TSPAN18: variants seen among roughly 807,000 people sequenced by gnomAD.
The protein encoded by TSPAN18 is tetraspanin 18, also known as tetraspanin-18.
TSPAN18 carries 14 observed loss-of-function variants against 27.3 expected under a neutral mutation model. That is an observed-to-expected ratio of 0.51 (90% CI 0.34 to 0.80). TSPAN18 has a LOEUF of 0.80. Ranked by LOEUF, TSPAN18 falls within the 30% of genes least tolerant of loss-of-function variation. The pLI, the probability that TSPAN18 is intolerant of heterozygous loss-of-function variation, is 0.01. For synonymous variants in TSPAN18, 143 were observed against 136.5 expected (o/e 1.05, Z -0.33); for missense variants, 268 against 323.9 (o/e 0.83, Z 1.32).
intron 2 of TSPAN18, among the ~76,000 whole-genome samples, chr11:44,824,070 C>T (rs1445926802): frequency 2.6e-5 from 4 of 152,284 alleles, no homozygotes; most frequent in South Asian, 2.1e-4. Context: ...CTCCTGCTGT[C>T]GGGGTCTTCC....
At chr11:44,794,002 C>T (rs1856290901) in intron 2 of TSPAN18, among the ~76,000 whole-genome samples, 2 of 152,154 alleles carry the variant, frequency 1.3e-5, no homozygotes, top group Non-Finnish European at 2.9e-5. Context: ...GTTAGGCGAT[C>T]TGTCAGCGGG....
intron 2 of TSPAN18, among the ~76,000 whole-genome samples, chr11:44,778,701 C>T (rs977648344): frequency 6.6e-6 from 1 of 152,194 alleles, no homozygotes; most frequent in Non-Finnish European, 1.5e-5. Context: ...CGTGTGTGCA[C>T]TTACTCTGGC....
chr11:44,874,254 A>T (rs1414458106), intron 3 of TSPAN18, among the ~76,000 whole-genome samples: 1 of 152,192 alleles, frequency 6.6e-6, no homozygotes, highest in Non-Finnish European at 1.5e-5. Context: ...CTTCCGCCTG[A>T]TTCAGAGATG....
intron 2 of TSPAN18, among the ~76,000 whole-genome samples, chr11:44,768,423 A>G (rs1198982732): frequency 1.3e-5 from 2 of 152,226 alleles, no homozygotes; most frequent in Non-Finnish European, 2.9e-5. Context: ...TAGATAGGAA[A>G]GCAATGACTT....
intron 2 of TSPAN18, among the ~76,000 whole-genome samples, chr11:44,833,018 G>T (rs1857187182): frequency 6.6e-6 from 1 of 151,938 alleles, no homozygotes; most frequent in Non-Finnish European, 1.5e-5. Context: ...TCCCTTCTCT[G>T]CCTGCTTAAA....
chr11:44,908,831 A>AAAGAGAGAGAG (rs1590671474), intron 4 of TSPAN18, among the ~76,000 whole-genome samples: 2 of 96,160 alleles, frequency 2.1e-5, no homozygotes, highest in African/African-American at 8.4e-5. Context: ...AAGAAAGAAA[A>AAAGAGAGAGAG]AGAAAAATGG....
At chr11:44,902,797 G>T (rs1423458489) in intron 3 of TSPAN18, among the ~76,000 whole-genome samples, 1 of 152,190 alleles carries the variant, frequency 6.6e-6, no homozygotes, top group Non-Finnish European at 1.5e-5. Flanking sequence ...CATTAGGGGG[G>T]CCTGTCCTGG....
At chr11:44,902,787 C>T (rs1859309703) in intron 3 of TSPAN18, among the ~76,000 whole-genome samples, 1 of 152,150 alleles carries the variant, frequency 6.6e-6, no homozygotes, top group African/African-American at 2.4e-5. Context: ...GCAAGCGGGG[C>T]ATTAGGGGGG....
chr11:44,740,191 T>A (rs72895420), intron 1 of TSPAN18, among the ~76,000 whole-genome samples: 6,958 of 152,224 alleles, frequency 0.046, 232 homozygotes, highest in Middle Eastern at 0.099. Flanking sequence ...TTCCTTTTCA[T>A]CTTGTGGGGT....
At chr11:44,787,235 A>T (rs775635389) in intron 2 of TSPAN18, among the ~76,000 whole-genome samples, 1 of 152,230 alleles carries the variant, frequency 6.6e-6, no homozygotes, top group African/African-American at 2.4e-5. Context: ...TAATCCTCAC[A>T]TCAACCCTGT....
chr11:44,897,752 C>G, intron 3 of TSPAN18: 1 of 1,287,796 alleles, frequency 7.8e-7, no homozygotes, highest in Non-Finnish European at 1.0e-6. Context: ...ATTGGACAAG[C>G]TGGGCCGATA....
At chr11:44,879,240 ATCCCTCCCTCCCTCTC>A (rs1311618663) in intron 3 of TSPAN18, among the ~76,000 whole-genome samples, 2 of 152,036 alleles carry the variant, frequency 1.3e-5, no homozygotes, top group African/African-American at 2.4e-5. Flanking sequence ...ACGGAGATTT[ATCCCTCCCTCCCTCTC>A]TCCCTCCCTT....
chr11:44,822,512 C>T (rs904035810), intron 2 of TSPAN18, among the ~76,000 whole-genome samples: 4 of 151,694 alleles, frequency 2.6e-5, no homozygotes, highest in Admixed American at 2.0e-4. Context: ...TCATCACATT[C>T]TCACCAATGA....
At chr11:44,834,691 ACTT>A (rs10558833) in intron 2 of TSPAN18, among the ~76,000 whole-genome samples, 28,070 of 152,032 alleles carry the variant, frequency 0.18, 3,437 homozygotes, top group Non-Finnish European at 0.28. Flanking sequence ...ATGTTGCTAA[ACTT>A]CTCTGACCTC....
chr11:44,813,301 C>A (rs1856757507), intron 2 of TSPAN18, among the ~76,000 whole-genome samples: 1 of 152,190 alleles, frequency 6.6e-6, no homozygotes, highest in Admixed American at 6.5e-5. Context: ...TGGATATGGG[C>A]CAAATCCTGG....
intron 2 of TSPAN18, among the ~76,000 whole-genome samples, chr11:44,811,319 T>C (rs1465338962): frequency 6.6e-6 from 1 of 152,208 alleles, no homozygotes; most frequent in Admixed American, 6.5e-5. Context: ...CTTCATTAGA[T>C]AGTCAGCATC....
intron 1 of TSPAN18, among the ~76,000 whole-genome samples, chr11:44,741,579 G>A (rs1460150332): frequency 6.6e-6 from 1 of 152,134 alleles, no homozygotes; most frequent in Non-Finnish European, 1.5e-5. Context: ...GTCTGCTGGT[G>A]AGACATACGG....
intron 3 of TSPAN18, among the ~76,000 whole-genome samples, chr11:44,904,154 C>T (rs977029851): frequency 3.3e-5 from 5 of 152,080 alleles, no homozygotes; most frequent in Admixed American, 3.3e-4. Flanking sequence ...TGATTTTTTC[C>T]CTTGCATTCC....
At chr11:44,773,179 G>A (rs1271503164) in intron 2 of TSPAN18, among the ~76,000 whole-genome samples, 1 of 152,078 alleles carries the variant, frequency 6.6e-6, no homozygotes, top group Admixed American at 6.5e-5. Flanking sequence ...CACTTTGGGA[G>A]GCCAAGGCAG....
Sources: allele counts gnomAD v4.1 joint callset (sites outside exome capture counted in the v4.1 genomes callset), GRCh38; gene constraint gnomAD v4.1.1; transcripts MANE v1.5; gene names NCBI Gene and HGNC (gene_info 2026-07-23, HGNC 2026-07-21).